IFT81: variants seen among roughly 807,000 people sequenced by gnomAD.
IFT81 encodes intraflagellar transport 81, also known as intraflagellar transport protein 81 homolog.
IFT81 carries 72 observed loss-of-function variants against 102.6 expected under a neutral mutation model. That is an observed-to-expected ratio of 0.70 (90% CI 0.58 to 0.85). The LOEUF is 0.85. IFT81 is among the 40% of genes least tolerant of loss of function. IFT81 has a pLI of 0.00. For missense variants in IFT81, 723 were observed against 787.3 expected (o/e 0.92, Z 0.98); for synonymous variants, 237 against 242.7 (o/e 0.98, Z 0.22).
intron 7 of IFT81, 30 bp downstream of exon 7, chr12:110,135,467 A>G: frequency 2.4e-6 from 3 of 1,276,564 alleles, no homozygotes; most frequent in Non-Finnish European, 3.4e-6. Context: ...TATTCTCAGT[A>G]TGAAGGAAAT....
chr12:110,142,722 T>G (rs1894971398), intron 8 of IFT81, among the ~76,000 whole-genome samples: 1 of 151,554 alleles, frequency 6.6e-6, no homozygotes, highest in African/African-American at 2.4e-5. Flanking sequence ...AAACCTCGTC[T>G]CTACAAAAAA....
intron 11 of IFT81, among the ~76,000 whole-genome samples, chr12:110,173,334 G>A (rs1896872717): frequency 6.7e-6 from 1 of 149,466 alleles, no homozygotes; most frequent in Admixed American, 6.6e-5. Flanking sequence ...CGTCCGGGAG[G>A]GAGGTGGGGG....
intron 14 of IFT81, chr12:110,203,310 A>G (rs1898395797): frequency 6.5e-6 from 1 of 153,546 alleles, no homozygotes; most frequent in Non-Finnish European, 1.4e-5. Flanking sequence ...AGCATAGTAA[A>G]CTACTTATAA....
At position 110,197,555 on chromosome 12, in the gene IFT81, C is replaced by CATATATATATAT. The variant is rs141544205; in HGVS notation, c.1557+4867_1557+4878dup. 2.0e-3 allele frequency among the ~76,000 whole-genome samples: 213 copies of CATATATATATAT among 108,778 alleles called. 1 individual carries two copies. Among genetic ancestry groups the CATATATATATAT allele is most frequent in the African/African-American group, 4.5e-3 (133 of 29,816 alleles). The allele number at this position is 108,778 out of a possible 152,430, so 71.4% of individuals were successfully genotyped here. On this transcript the variant is annotated intron_variant, in intron 14 of 18. Coordinates refer to ENST00000242591, the MANE Select transcript of IFT81 (RefSeq NM_014055.4). ...ATATTATTTATTCTTAGGTTTTTAT[C>CATATATATATAT]ATATATATATATATATATATATATA...
rs1254263819 is a variant in IFT81 at position 110,130,377 on chromosome 12, T to A, written c.429+1247T>A. 2.0e-5 allele frequency among the ~76,000 whole-genome samples: 3 copies of A among 151,746 alleles called. No homozygotes were observed. The East Asian group carries it at 5.8e-4, about 29-fold the overall frequency. ...AAGTTGATTAAGTCTTTTTTTTTTTTTTTTCCGAGACAGAGTCTTGCTCTG... is the reference window on the plus strand; with the variant it reads ...AAGTTGATTAAGTCTTTTTTTTTTTATTTTCCGAGACAGAGTCTTGCTCTG... On this transcript the variant is annotated intron_variant, in intron 4 of 18. Coordinates refer to ENST00000242591, the MANE Select transcript of IFT81 (RefSeq NM_014055.4).
chr12:110,165,088 GA>G (rs963516388), intron 11 of IFT81, among the ~76,000 whole-genome samples: 19 of 145,172 alleles, frequency 1.3e-4, no homozygotes, highest in South Asian at 2.2e-4. Flanking sequence ...CAATGACAGG[GA>G]AAAAAAAAAG....
At chr12:110,207,589 G>A (rs1397276630) in intron 17 of IFT81, among the ~76,000 whole-genome samples, 1 of 125,336 alleles carries the variant, frequency 8.0e-6, no homozygotes, top group East Asian at 2.3e-4. Flanking sequence ...TTGAGACGGA[G>A]TCTCACTCTG....
intron 8 of IFT81, among the ~76,000 whole-genome samples, chr12:110,137,661 A>T (rs1593285089): frequency 6.7e-6 from 1 of 148,956 alleles, no homozygotes; most frequent in Non-Finnish European, 1.5e-5. Flanking sequence ...GCTTGAACCT[A>T]GAAGGCAGAG....
chr12:110,139,847 T>TAAAATAAA (rs1225456910), intron 8 of IFT81, among the ~76,000 whole-genome samples: 2 of 118,872 alleles, frequency 1.7e-5, no homozygotes, highest in African/African-American at 8.0e-5. Flanking sequence ...TAAAATAAAA[T>TAAAATAAA]AAATAAAATA....
At chr12:110,215,997 T>C (rs1352245184) in intron 18 of IFT81, among the ~76,000 whole-genome samples, 1 of 152,156 alleles carries the variant, frequency 6.6e-6, no homozygotes, top group Non-Finnish European at 1.5e-5. Flanking sequence ...TTTGATTTAT[T>C]TGGACATAAA....
In IFT81 at chr12:110,143,485, A is replaced by C; in HGVS notation, c.885A>C (p.Leu295Phe). The C allele has an allele frequency of 6.4e-7, 1 of 1,551,178 alleles. No individual in the cohort carries two copies. Among genetic ancestry groups the C allele is most frequent in the African/African-American group, 1.4e-5 (1 of 70,952 alleles). The change falls in exon 9 of 19, where the codon TTA becomes TTC. Residue 295 changes from leucine (L) to phenylalanine (F), a missense_variant. Transcript: ENST00000242591. ...LENKKKELHFLQKVVSEPAMG... is the reference protein window; with the variant it reads ...LENKKKELHFFQKVVSEPAMG... ...ATAAGAAAAAGGAATTACATTTTTT[A>C]CAAAAAGTAGTTTCAGAGCCAGCTA...
At chr12:110,165,115 A>C (rs892987065) in intron 11 of IFT81, among the ~76,000 whole-genome samples, 2 of 151,960 alleles carry the variant, frequency 1.3e-5, no homozygotes, top group Non-Finnish European at 2.9e-5. Context: ...TTTTTTTTTA[A>C]GGGGAAAAAG....
chr12:110,133,098 G>A (rs561112694), intron 5 of IFT81, among the ~76,000 whole-genome samples: 3 of 151,282 alleles, frequency 2.0e-5, no homozygotes, highest in Non-Finnish European at 4.4e-5. Flanking sequence ...AGCCTCCTGA[G>A]TAGCTGGGAC....
intron 11 of IFT81, among the ~76,000 whole-genome samples, chr12:110,173,263 G>A (rs1381367735): frequency 6.7e-6 from 1 of 149,210 alleles, no homozygotes; most frequent in Non-Finnish European, 1.5e-5. Context: ...GAGGTGAGGG[G>A]CGCCTCTGCC....
intron 18 of IFT81, among the ~76,000 whole-genome samples, chr12:110,210,162 A>G (rs938182184): frequency 1.3e-5 from 2 of 152,188 alleles, no homozygotes; most frequent in African/African-American, 4.8e-5. Flanking sequence ...AAAAACGTAT[A>G]CTTACTAATA....
rs1194924564 is a variant in IFT81 at position 110,167,811 on chromosome 12, C to T, written c.1188+4746C>T. On this transcript the variant is annotated intron_variant, in intron 11 of 18. Transcript: ENST00000242591. ...CATTATTCTCATTTTTGTCATTGTA[C>T]GACTCTGTAAGTACAATTTTTTTTT... The T allele has an allele frequency of 2.3e-5, 6 of 259,272 alleles. 1 individual carries two copies. The highest frequency in any genetic ancestry group is 1.1e-4 in the South Asian group (3 of 26,360). The allele number at this position is 259,272 out of a possible 1,614,324, so 16.1% of individuals were successfully genotyped here. A position where few individuals can be genotyped will look rare whatever the true frequency, so the allele number is the denominator to read the frequency against.
At chr12:110,139,616 T>A (rs1053334411) in intron 8 of IFT81, among the ~76,000 whole-genome samples, 1 of 150,604 alleles carries the variant, frequency 6.6e-6, no homozygotes, top group African/African-American at 2.4e-5. Flanking sequence ...ACTAAAAAAA[T>A]ATAAAAAATT....
rs112246699 is a variant in IFT81, at chr12:110,188,752, A to G, written c.1339-2168A>G. Among the ~76,000 whole-genome samples, 1,352 of 149,286 alleles carry G rather than the reference A, an allele frequency of 9.1e-3. 4 individuals carry two copies. The highest frequency in any genetic ancestry group is 9.5e-3 in the Non-Finnish European group (640 of 67,376). ...ATCCTGGCTAACATAGTGAAACCCT[A>G]TCTCTACTAAAAATACAAAAAAAAA... On this transcript the variant is annotated intron_variant, in intron 12 of 18. Coordinates refer to ENST00000242591, the MANE Select transcript of IFT81 (RefSeq NM_014055.4).
intron 14 of IFT81, among the ~76,000 whole-genome samples, chr12:110,201,131 A>T (rs1457479811): frequency 6.6e-6 from 1 of 151,870 alleles, no homozygotes; most frequent in East Asian, 1.9e-4. Flanking sequence ...GGCCAGGTGC[A>T]ATGACTCATG....
Sources: gnomAD v4.1 joint callset for allele counts (sites outside exome capture counted in the v4.1 genomes callset) on GRCh38, gnomAD v4.1.1 for gene constraint, MANE v1.5 for transcripts, NCBI Gene and HGNC (gene_info 2026-07-23, HGNC 2026-07-21) for gene names.